Variants in GPC5 observed in about 807,000 individuals in gnomAD.
GPC5 encodes the protein glypican-5.
Under a neutral mutation model 53.9 loss-of-function variants are expected in GPC5, and 47 were observed. That is an observed-to-expected ratio of 0.87 (90% CI 0.69 to 1.11). The LOEUF is 1.11. Ranked by LOEUF, GPC5 falls within the 50% of genes most tolerant of loss-of-function variation. The probability of loss-of-function intolerance (pLI) is 0.00; values close to 1 mark genes in which losing one functional copy is unlikely to be tolerated. For missense variants in GPC5, 748 were observed against 713.1 expected (o/e 1.05, Z -0.56); for synonymous variants, 286 against 263.3 (o/e 1.09, Z -0.84).
At chr13:91,927,646 T>G (rs1357661068) in intron 6 of GPC5, among the ~76,000 whole-genome samples, 1 of 152,194 alleles carries the variant, frequency 6.6e-6, no homozygotes, top group African/African-American at 2.4e-5. Context: ...GAACAACTTA[T>G]GGAAGTTTTG....
chr13:92,202,941 A>G (rs2042305449), intron 7 of GPC5, among the ~76,000 whole-genome samples: 1 of 152,146 alleles, frequency 6.6e-6, no homozygotes, highest in Non-Finnish European at 1.5e-5. Flanking sequence ...ATTAATTTAC[A>G]AGAAAAAAAA....
At chr13:91,993,744 C>T (rs1269851702) in intron 6 of GPC5, among the ~76,000 whole-genome samples, 3 of 151,884 alleles carry the variant, frequency 2.0e-5, no homozygotes, top group Non-Finnish European at 4.4e-5. Context: ...TATTGAATCT[C>T]AAAATATCTC....
intron 7 of GPC5, among the ~76,000 whole-genome samples, chr13:92,157,776 C>A (rs1275503796): frequency 1.3e-5 from 2 of 152,048 alleles, no homozygotes; most frequent in African/African-American, 4.8e-5. Context: ...CTCCCCTTTT[C>A]ATATTTTATC....
chr13:92,242,630 A>T (rs2042621872), intron 7 of GPC5, among the ~76,000 whole-genome samples: 1 of 152,100 alleles, frequency 6.6e-6, no homozygotes, highest in African/African-American at 2.4e-5. Flanking sequence ...GTCATGACAA[A>T]CCTAAACTAG....
chr13:92,110,236 C>T (rs1364363663), intron 6 of GPC5, among the ~76,000 whole-genome samples: 6 of 152,108 alleles, frequency 3.9e-5, no homozygotes, highest in Admixed American at 3.3e-4. Context: ...CAAATAGAGA[C>T]ACAGACTAAA....
intron 6 of GPC5, among the ~76,000 whole-genome samples, chr13:91,945,274 ATTTAGT>A (rs1049456058): frequency 7.2e-5 from 11 of 152,032 alleles, no homozygotes; most frequent in African/African-American, 2.7e-4. Context: ...TCTCTTTACA[ATTTAGT>A]TTTTTTGTTC....
Position 91,823,776 on chromosome 13 carries a change from A to G in GPC5, c.1280+67356A>G, listed in dbSNP as rs7996622. Among the ~76,000 whole-genome samples the G allele has an allele frequency of 5.8e-3, 881 of 152,230 alleles. 10 individuals are homozygous for G. The highest frequency in any genetic ancestry group is 0.02 in the African/African-American group (843 of 41,568). On this transcript the variant is annotated intron_variant, in intron 5 of 7. Coordinates refer to ENST00000377067, the MANE Select transcript of GPC5 (RefSeq NM_004466.6). Reference sequence around the variant, plus strand: ...ATGTCATAATCACTCTTTGTCTATTATAATATATGTAACTGTATCTCCACC... The same window carrying G: ...ATGTCATAATCACTCTTTGTCTATTGTAATATATGTAACTGTATCTCCACC...
At chr13:92,832,997 CTG>C in intron 7 of GPC5, among the ~76,000 whole-genome samples, 1 of 152,234 alleles carries the variant, frequency 6.6e-6, no homozygotes, top group East Asian at 1.9e-4. Context: ...CAGAGTGAGA[CTG>C]CGTCTCAAAA....
intron 6 of GPC5, among the ~76,000 whole-genome samples, chr13:92,090,227 G>T (rs763214269): frequency 7.9e-5 from 12 of 152,006 alleles, no homozygotes; most frequent in Non-Finnish European, 1.5e-4. Flanking sequence ...TTCTCTAGAG[G>T]CATAAAATAT....
At chr13:92,410,679 A>G (rs1566578744) in intron 7 of GPC5, among the ~76,000 whole-genome samples, 1 of 152,202 alleles carries the variant, frequency 6.6e-6, no homozygotes, top group Admixed American at 6.5e-5. Context: ...TGTTCGCAAG[A>G]CTTTTGTTGC....
At chr13:92,417,224 TACTC>T (rs539524154) in intron 7 of GPC5, among the ~76,000 whole-genome samples, 1 of 152,346 alleles carries the variant, frequency 6.6e-6, no homozygotes, top group Non-Finnish European at 1.5e-5. Flanking sequence ...CAAAAAATCA[TACTC>T]AGATGACCAA....
At chr13:92,680,730 A>G (rs1887086834) in intron 7 of GPC5, among the ~76,000 whole-genome samples, 1 of 152,196 alleles carries the variant, frequency 6.6e-6, no homozygotes, top group Non-Finnish European at 1.5e-5. Context: ...TTTACTCTTC[A>G]GGAAGTAACT....
intron 7 of GPC5, among the ~76,000 whole-genome samples, chr13:92,347,078 G>A (rs1032166784): frequency 6.6e-6 from 1 of 152,094 alleles, no homozygotes; most frequent in Non-Finnish European, 1.5e-5. Flanking sequence ...TTACACAATA[G>A]AAGTTGCAGA....
intron 4 of GPC5, among the ~76,000 whole-genome samples, chr13:91,733,824 T>G (rs2036755379): frequency 2.6e-5 from 4 of 152,326 alleles, no homozygotes; most frequent in Middle Eastern, 3.4e-3. Flanking sequence ...TTTATTTCTT[T>G]CTCTTGTCTG....
intron 5 of GPC5, among the ~76,000 whole-genome samples, chr13:91,807,459 T>C (rs190605531): frequency 6.4e-4 from 97 of 152,272 alleles, no homozygotes; most frequent in African/African-American, 2.3e-3. Context: ...GTTGTAAATG[T>C]CCCCAATCAA....
intron 7 of GPC5, among the ~76,000 whole-genome samples, chr13:92,801,108 ATGTG>A (rs888703374): frequency 6.6e-6 from 1 of 151,664 alleles, no homozygotes; most frequent in Non-Finnish European, 1.5e-5. Context: ...ATAACAAAAT[ATGTG>A]TGTGTATGTG....
At chr13:91,699,820 A>G (rs992642795) in intron 3 of GPC5, among the ~76,000 whole-genome samples, 4 of 152,174 alleles carry the variant, frequency 2.6e-5, no homozygotes, top group Non-Finnish European at 4.4e-5. Flanking sequence ...AAAGGTTTTC[A>G]CCCACCGACT....
chr13:92,003,092 C>T (rs768307150), intron 6 of GPC5, among the ~76,000 whole-genome samples: 2 of 152,106 alleles, frequency 1.3e-5, no homozygotes, highest in African/African-American at 4.8e-5. Flanking sequence ...GGGTGGATCA[C>T]CAAAGGTCTG....
intron 2 of GPC5, among the ~76,000 whole-genome samples, chr13:91,506,156 T>G (rs1195047761): frequency 6.6e-6 from 1 of 152,180 alleles, no homozygotes; most frequent in African/African-American, 2.4e-5. Flanking sequence ...GTCAAGGTTT[T>G]CTGATTCCCA....
Sources: allele counts gnomAD v4.1 joint callset (sites outside exome capture counted in the v4.1 genomes callset), GRCh38; gene constraint gnomAD v4.1.1; transcripts MANE v1.5; gene names NCBI Gene and HGNC (gene_info 2026-07-23, HGNC 2026-07-21).